Variants in ASCC1 observed in about 807,000 individuals in gnomAD.
The protein encoded by ASCC1 is ASC-1 complex subunit P50.
A neutral mutation model predicts 46.6 loss-of-function variants in ASCC1; 35 were observed. That is an observed-to-expected ratio of 0.75 (90% CI 0.57 to 0.99). The LOEUF is 0.99. Among genes scored for constraint, ASCC1 ranks in the 50% least tolerant of loss-of-function variants. ASCC1 has a pLI of 0.00. For missense variants in ASCC1, 376 were observed against 428.7 expected (o/e 0.88, Z 1.09); for synonymous variants, 143 against 146.6 (o/e 0.98, Z 0.18).
chr10:72,160,958 C>T (rs2132681271), intron 6 of ASCC1, among the ~76,000 whole-genome samples: 1 of 151,854 alleles, frequency 6.6e-6, no homozygotes, highest in East Asian at 1.9e-4. Flanking sequence ...TGGCGGGCGC[C>T]TGTAGTCCCA....
intron 9 of ASCC1, among the ~76,000 whole-genome samples, chr10:72,109,835 C>T (rs77353918): frequency 4.6e-5 from 7 of 152,320 alleles, no homozygotes; most frequent in East Asian, 3.9e-4. Flanking sequence ...AAAGAGGCTA[C>T]GCTGACCCGG....
At chr10:72,203,588 T>G (rs575012416) in intron 3 of ASCC1, 64 bp from the exon 4 acceptor site, 5 of 1,179,580 alleles carry the variant, frequency 4.2e-6, no homozygotes, top group African/African-American at 1.5e-5. Flanking sequence ...AACCTCATTA[T>G]GTTTAAATCC....
intron 8 of ASCC1, 150 bp downstream of exon 8, chr10:72,132,907 G>C: frequency 2.3e-6 from 2 of 877,384 alleles, no homozygotes; most frequent in Non-Finnish European, 3.6e-6. Context: ...ATATGTTCTT[G>C]CCCACCTCTA....
chr10:72,118,707 A>G (rs910414989), intron 9 of ASCC1, among the ~76,000 whole-genome samples: 2 of 152,006 alleles, frequency 1.3e-5, no homozygotes, highest in Non-Finnish European at 2.9e-5. Flanking sequence ...TGATCCTGGG[A>G]GGCAGATGCT....
intron 1 of ASCC1, among the ~76,000 whole-genome samples, chr10:72,214,361 A>G (rs1370406880): frequency 6.7e-6 from 1 of 148,348 alleles, no homozygotes; most frequent in Non-Finnish European, 1.5e-5. Context: ...CATTTGCACA[A>G]TATCTCTTTT....
intron 4 of ASCC1, among the ~76,000 whole-genome samples, chr10:72,201,384 C>G (rs1023139231): frequency 2.0e-5 from 3 of 152,170 alleles, no homozygotes; most frequent in Non-Finnish European, 4.4e-5. Flanking sequence ...ACAATACAAT[C>G]TATGAACATT....
chr10:72,190,407 A>G (rs1854239916), intron 5 of ASCC1: 1 of 1,596,652 alleles, frequency 6.3e-7, no homozygotes, highest in Non-Finnish European at 8.5e-7. Flanking sequence ...CCTGACACCC[A>G]GTGGATCACC....
chr10:72,144,181 T>C (rs988051079), intron 7 of ASCC1, among the ~76,000 whole-genome samples: 2 of 152,072 alleles, frequency 1.3e-5, no homozygotes, highest in Non-Finnish European at 2.9e-5. Context: ...TTCACCATCT[T>C]GGCCAGGCTG....
At position 72,096,897 on chromosome 10, in the gene ASCC1, G is replaced by A. The variant is rs770283454; in HGVS notation, c.*437C>T. The A allele has an allele frequency of 2.0e-5, 9 of 453,950 alleles. No individual in the cohort carries two copies. Among genetic ancestry groups the A allele is most frequent in the Non-Finnish European group, 3.1e-5 (7 of 226,800 alleles). 28.1% of individuals were successfully genotyped at this position (453,950 alleles called of 1,614,324 possible). ...AGACAGAAAGCAGAATGGTGGCTGC[G>A]GGGGCTGGGAGGAGTGGGAATTACT... On this transcript the variant is annotated 3_prime_UTR_variant, in exon 10 of 10. Transcript: ENST00000672957.
intron 5 of ASCC1, among the ~76,000 whole-genome samples, chr10:72,191,237 T>G (rs1293102266): frequency 6.8e-6 from 1 of 147,808 alleles, no homozygotes; most frequent in Non-Finnish European, 1.5e-5. Flanking sequence ...TTTTTTTTTT[T>G]TGTATTTTTA....
chr10:72,169,007 A>C (rs1850721247), intron 5 of ASCC1, among the ~76,000 whole-genome samples: 1 of 152,216 alleles, frequency 6.6e-6, no homozygotes. Flanking sequence ...ATACATCAAC[A>C]ACGTAAAATA....
upstream of ASCC1, chr10:72,217,120 A>G (rs1355015014): frequency 2.2e-6 from 1 of 450,576 alleles, no homozygotes. Context: ...TGTGCTCGGC[A>G]TTGAGGGTAG....
Position 72,102,188 on chromosome 10 carries a change from A to G in ASCC1, c.958-4738T>C, listed in dbSNP as rs563623963. 6.3e-5 allele frequency: 43 copies of G among 678,484 alleles called. 1 individual carries two copies. The South Asian group carries it at 6.8e-4, about 11-fold the overall frequency. The allele number at this position is 678,484 out of a possible 1,614,324, so 42.0% of individuals were successfully genotyped here. A position where few individuals can be genotyped will look rare whatever the true frequency, so the allele number is the denominator to read the frequency against. On this transcript the variant is annotated intron_variant, in intron 9 of 9. Coordinates refer to ENST00000672957, the MANE Select transcript of ASCC1 (RefSeq NM_001198800.3). ...ACGCCTTGGTGACTTTCTAGATGAG[A>G]AGGAGATGGAAAAATCAGTGATGAT...
intron 6 of ASCC1, among the ~76,000 whole-genome samples, chr10:72,161,044 C>T (rs554967140): frequency 6.6e-6 from 1 of 151,976 alleles, no homozygotes; most frequent in African/African-American, 2.4e-5. Flanking sequence ...GATTGCGCCA[C>T]TGCACTCCAG....
chr10:72,191,723 T>G lies in ASCC1; in HGVS notation c.489+5088A>C, dbSNP rs1190069404. On this transcript the variant is annotated intron_variant, in intron 5 of 9. Coordinates refer to ENST00000672957, the MANE Select transcript of ASCC1 (RefSeq NM_001198800.3). ...GTACAATGGCGTGATCTCGGCTCAC[T>G]GCAACCTCCGCCTCCCAGGTTCAAG... 2.0e-5 allele frequency among the ~76,000 whole-genome samples: 3 copies of G among 152,064 alleles called. No homozygotes were observed. The East Asian group carries it at 5.8e-4, about 29-fold the overall frequency.
chr10:72,102,096 T>C (rs1841833705), intron 9 of ASCC1, among the ~76,000 whole-genome samples: 1 of 152,088 alleles, frequency 6.6e-6, no homozygotes, highest in African/African-American at 2.4e-5. Flanking sequence ...GACACATGTT[T>C]ACCTGTGTAA....
intron 6 of ASCC1, among the ~76,000 whole-genome samples, chr10:72,156,505 G>C (rs913434744): frequency 2.0e-5 from 3 of 152,238 alleles, no homozygotes; most frequent in Non-Finnish European, 4.4e-5. Flanking sequence ...GCTCACGCCT[G>C]TAATCCCAGA....
intron 5 of ASCC1, among the ~76,000 whole-genome samples, chr10:72,185,954 C>T (rs1853390625): frequency 6.6e-6 from 1 of 152,042 alleles, no homozygotes; most frequent in Non-Finnish European, 1.5e-5. Context: ...CAGAAAGATG[C>T]ATGTACAGAT....
rs1022983752 is a variant in ASCC1, at chr10:72,102,392, G to C, written c.958-4942C>G. 5 of 1,549,862 alleles carry C rather than the reference G, an allele frequency of 3.2e-6. No homozygotes were observed. The African/African-American group carries it at 4.1e-5, about 13-fold the overall frequency. Reference sequence around the variant, plus strand: ...TTCTAGGATTTTCCTGGTAGGCTCTGAGAATATGCATCAGAGACACCTGTA... The same window carrying C: ...TTCTAGGATTTTCCTGGTAGGCTCTCAGAATATGCATCAGAGACACCTGTA... On this transcript the variant is annotated intron_variant, in intron 9 of 9. Coordinates refer to ENST00000672957, the MANE Select transcript of ASCC1 (RefSeq NM_001198800.3).
Sources: gnomAD v4.1 joint callset for allele counts (sites outside exome capture counted in the v4.1 genomes callset) on GRCh38, gnomAD v4.1.1 for gene constraint, MANE v1.5 for transcripts, NCBI Gene and HGNC (gene_info 2026-07-23, HGNC 2026-07-21) for gene names.